Variants in SPIRE1 observed in about 807,000 individuals in gnomAD.
SPIRE1 encodes spire type actin nucleation factor 1.
Under a neutral mutation model 94.1 loss-of-function variants are expected in SPIRE1, and 40 were observed. The ratio of observed to expected loss-of-function variants is 0.43; its 90% CI spans 0.33 to 0.55. SPIRE1 has a LOEUF of 0.55. SPIRE1 is among the 20% of genes least tolerant of loss of function. The pLI, the probability that SPIRE1 is intolerant of heterozygous loss-of-function variation, is 0.06. For synonymous variants in SPIRE1, 376 were observed against 371.7 expected (o/e 1.01, Z -0.13); for missense variants, 838 against 975.2 (o/e 0.86, Z 1.87).
At chr18:12,498,044 C>T (rs190059877) in intron 6 of SPIRE1, among the ~76,000 whole-genome samples, 603 of 152,254 alleles carry the variant, frequency 4.0e-3, no homozygotes, top group Middle Eastern at 0.01. Context: ...GGAGGAAGCT[C>T]CCTTATCCAA....
chr18:12,573,953 A>G (rs2036026432), intron 2 of SPIRE1, among the ~76,000 whole-genome samples: 1 of 152,084 alleles, frequency 6.6e-6, no homozygotes, highest in Non-Finnish European at 1.5e-5. Flanking sequence ...GTTAGCCAGG[A>G]TGGTCTCCAT....
chr18:12,535,100 G>A (rs1000508082), intron 4 of SPIRE1, among the ~76,000 whole-genome samples: 2 of 152,090 alleles, frequency 1.3e-5, no homozygotes, highest in African/African-American at 4.8e-5. Context: ...TCTTTTCTGA[G>A]CCTTTATCCC....
At chr18:12,478,800 TG>T (rs1174020947) in intron 10 of SPIRE1, among the ~76,000 whole-genome samples, 3 of 152,076 alleles carry the variant, frequency 2.0e-5, no homozygotes, top group Non-Finnish European at 4.4e-5. Context: ...TTGAGATGGA[TG>T]TGGGAAGCAT....
At chr18:12,542,086 C>T (rs1339984075) in intron 3 of SPIRE1, among the ~76,000 whole-genome samples, 1 of 151,890 alleles carries the variant, frequency 6.6e-6, no homozygotes, top group Non-Finnish European at 1.5e-5. Flanking sequence ...AAGTGATTCT[C>T]CTGCCCCAGC....
At chr18:12,552,256 G>C (rs922581475) in intron 2 of SPIRE1, among the ~76,000 whole-genome samples, 1 of 152,164 alleles carries the variant, frequency 6.6e-6, no homozygotes, top group African/African-American at 2.4e-5. Context: ...GTGCTGAGCT[G>C]GGCTCAGAGC....
intron 1 of SPIRE1, among the ~76,000 whole-genome samples, chr18:12,654,035 T>C (rs963094567): frequency 6.6e-6 from 1 of 151,432 alleles, no homozygotes; most frequent in African/African-American, 2.4e-5. Flanking sequence ...TCATGATAAA[T>C]ACAATGAAAA....
intron 2 of SPIRE1, among the ~76,000 whole-genome samples, chr18:12,555,018 G>A (rs932643097): frequency 6.6e-6 from 1 of 151,974 alleles, no homozygotes; most frequent in Admixed American, 6.6e-5. Flanking sequence ...TTGCCTAACC[G>A]ACCACCTACT....
At chr18:12,633,171 T>C (rs1185435349) in intron 2 of SPIRE1, among the ~76,000 whole-genome samples, 1 of 152,208 alleles carries the variant, frequency 6.6e-6, no homozygotes, top group Non-Finnish European at 1.5e-5. Context: ...TTACCTCTTC[T>C]GACTCAAATC....
chr18:12,653,330 G>C (rs1309949851), intron 1 of SPIRE1: 1 of 152,230 alleles, frequency 6.6e-6, no homozygotes, highest in East Asian at 1.9e-4. Flanking sequence ...CAGTATAGTG[G>C]TGAGAAAGGA....
chr18:12,589,499 A>G (rs1425376617), intron 2 of SPIRE1, among the ~76,000 whole-genome samples: 1 of 152,224 alleles, frequency 6.6e-6, no homozygotes, highest in Non-Finnish European at 1.5e-5. Context: ...TATCATCAAC[A>G]GGAAAGAAAA....
intron 4 of SPIRE1, among the ~76,000 whole-genome samples, chr18:12,522,840 C>A (rs1208023556): frequency 6.6e-6 from 1 of 152,178 alleles, no homozygotes; most frequent in Non-Finnish European, 1.5e-5. Context: ...CACTCATTGA[C>A]AATGCATTTG....
intron 5 of SPIRE1, among the ~76,000 whole-genome samples, chr18:12,508,876 T>C (rs796950073): frequency 2.3e-4 from 35 of 152,320 alleles, no homozygotes; most frequent in Admixed American, 2.3e-3. Flanking sequence ...GGTTTCGTCA[T>C]GTTGGCCAGG....
intron 2 of SPIRE1, among the ~76,000 whole-genome samples, chr18:12,588,856 CT>C (rs1324142727): frequency 1.3e-5 from 2 of 152,064 alleles, no homozygotes; most frequent in African/African-American, 2.4e-5. Flanking sequence ...TCTTTTCCTA[CT>C]TTAGATATAG....
At chr18:12,538,899 C>T (rs1236442260) in intron 3 of SPIRE1, among the ~76,000 whole-genome samples, 1 of 152,076 alleles carries the variant, frequency 6.6e-6, no homozygotes, top group Non-Finnish European at 1.5e-5. Flanking sequence ...CAAAATATAC[C>T]ACCTGACAGT....
chr18:12,533,135 T>C (rs978790486), intron 4 of SPIRE1, among the ~76,000 whole-genome samples: 1 of 151,810 alleles, frequency 6.6e-6, no homozygotes, highest in Middle Eastern at 3.2e-3. Flanking sequence ...ATCAACGGAG[T>C]AGAAACAGAG....
intron 10 of SPIRE1, 101 bp from the exon 11 acceptor site, chr18:12,465,059 C>A: frequency 1.0e-6 from 1 of 987,386 alleles, no homozygotes; most frequent in Non-Finnish European, 1.5e-6. Context: ...ACATGAGGCA[C>A]CAAAGTATGT....
chr18:12,645,371 C>G (rs946643523), intron 1 of SPIRE1, among the ~76,000 whole-genome samples: 1 of 152,080 alleles, frequency 6.6e-6, no homozygotes, highest in African/African-American at 2.4e-5. Context: ...AAGTATAAAC[C>G]ATCATCTATC....
chr18:12,537,406 A>G (rs1335551963), intron 3 of SPIRE1, among the ~76,000 whole-genome samples: 2 of 152,248 alleles, frequency 1.3e-5, no homozygotes, highest in Non-Finnish European at 2.9e-5. Flanking sequence ...CCACAGTAAG[A>G]AATAAATTTA....
chr18:12,570,328 C>A (rs2035932246), intron 2 of SPIRE1, among the ~76,000 whole-genome samples: 1 of 152,186 alleles, frequency 6.6e-6, no homozygotes, highest in African/African-American at 2.4e-5. Flanking sequence ...AATGTCAAAT[C>A]TGCTGAAATG....
Sources: gnomAD v4.1 joint callset for allele counts (sites outside exome capture counted in the v4.1 genomes callset) on GRCh38, gnomAD v4.1.1 for gene constraint, MANE v1.5 for transcripts, NCBI Gene and HGNC (gene_info 2026-07-23, HGNC 2026-07-21) for gene names.